The following ARHGAP15 variants were observed in gnomAD, a reference collection of about 807,000 sequenced individuals.
ARHGAP15 encodes Rho GTPase activating protein 15, also known as rho GTPase-activating protein 15.
Under a neutral mutation model 63.7 loss-of-function variants are expected in ARHGAP15, and 51 were observed. The observed-to-expected ratio is 0.80, with a 90% CI of 0.64 to 1.01. The LOEUF is 1.01. ARHGAP15 is among the 50% of genes least tolerant of loss of function. The pLI is 0.00. For synonymous variants in ARHGAP15, 191 were observed against 193.8 expected, an observed-to-expected ratio of 0.99 and a Z score of 0.12; for missense variants, 560 against 564.6, an observed-to-expected ratio of 0.99 and a Z score of 0.08.
At chr2:143,466,375 G>A (rs1203055929) in intron 8 of ARHGAP15, among the ~76,000 whole-genome samples, 1 of 151,360 alleles carries the variant, frequency 6.6e-6, no homozygotes, top group Non-Finnish European at 1.5e-5. Flanking sequence ...AAGACTCATG[G>A]AAAAGACAGC....
intron 6 of ARHGAP15, among the ~76,000 whole-genome samples, chr2:143,345,514 T>C (rs1348078151): frequency 6.6e-6 from 1 of 152,106 alleles, no homozygotes; most frequent in Non-Finnish European, 1.5e-5. Flanking sequence ...CACATTAAAA[T>C]GTCATGCTGA....
intron 6 of ARHGAP15, among the ~76,000 whole-genome samples, chr2:143,373,879 G>A (rs1159538887): frequency 1.3e-5 from 2 of 151,992 alleles, no homozygotes; most frequent in Admixed American, 1.3e-4. Context: ...CCTAATGAAA[G>A]AATAAAACAT....
intron 10 of ARHGAP15, among the ~76,000 whole-genome samples, chr2:143,537,927 T>C (rs1694855836): frequency 6.6e-6 from 1 of 151,946 alleles, no homozygotes; most frequent in African/African-American, 2.4e-5. Flanking sequence ...AAGTCATTGG[T>C]AGCTTGATGG....
intron 6 of ARHGAP15, among the ~76,000 whole-genome samples, chr2:143,339,341 A>G (rs1375908762): frequency 1.3e-5 from 2 of 152,138 alleles, no homozygotes; most frequent in Non-Finnish European, 2.9e-5. Flanking sequence ...AAGACTAGGT[A>G]ACACACTGAG....
intron 2 of ARHGAP15, among the ~76,000 whole-genome samples, chr2:143,185,620 T>C (rs1311944561): frequency 1.3e-5 from 2 of 152,202 alleles, no homozygotes; most frequent in African/African-American, 4.8e-5. Flanking sequence ...TCATTCCCGA[T>C]AGATCCTTGT....
At chr2:143,538,957 A>G (rs954308420) in intron 10 of ARHGAP15, among the ~76,000 whole-genome samples, 1 of 152,182 alleles carries the variant, frequency 6.6e-6, no homozygotes, top group African/African-American at 2.4e-5. Context: ...AAGGAATGGT[A>G]CCAGTTCCTC....
intron 6 of ARHGAP15, among the ~76,000 whole-genome samples, chr2:143,308,935 C>CA (rs35757623): frequency 0.25 from 26,440 of 106,720 alleles, 3,480 homozygotes; most frequent in Non-Finnish European, 0.35. Context: ...TCCTGGCAGC[C>CA]AAAAAAAAAA....
intron 12 of ARHGAP15, among the ~76,000 whole-genome samples, chr2:143,631,586 T>C (rs1348915728): frequency 6.6e-6 from 1 of 152,136 alleles, no homozygotes; most frequent in Non-Finnish European, 1.5e-5. Context: ...AAGCATCTTT[T>C]CATGTGCTTA....
At chr2:143,219,531 T>C (rs1039696166) in intron 4 of ARHGAP15, among the ~76,000 whole-genome samples, 3 of 152,232 alleles carry the variant, frequency 2.0e-5, no homozygotes, top group South Asian at 2.1e-4. Context: ...ATCGCACATA[T>C]ATGTTTCCTT....
Position 143,317,922 on chromosome 2 carries a change from G to T in ARHGAP15, c.474+67322G>T, listed in dbSNP as rs956547732. Among the ~76,000 whole-genome samples, 8 of 151,324 alleles carry T rather than the reference G, an allele frequency of 5.3e-5. No individual in the cohort carries two copies. In the South Asian group the frequency reaches 1.5e-3, roughly 28 times the overall value. On this transcript the variant is annotated intron_variant, in intron 6 of 13. Transcript: ENST00000295095. ...CAGAAAAGCAGATAGCATATTACTT[G>T]CATAGGGTTTTTGTTTTGTTTTGTT... is the stretch of plus-strand genomic sequence containing the variant.
At chr2:143,671,251 GT>G (rs925473578) in intron 12 of ARHGAP15, among the ~76,000 whole-genome samples, 47 of 148,986 alleles carry the variant, frequency 3.2e-4, no homozygotes, top group East Asian at 2.6e-3. Context: ...TTTTTAATTA[GT>G]TTTTTTTTTA....
intron 12 of ARHGAP15, chr2:143,682,856 T>A (rs1026613292): frequency 6.6e-6 from 1 of 152,102 alleles, no homozygotes; most frequent in South Asian, 2.1e-4. Context: ...TTCGCAGGAG[T>A]TCTCTGTTAT....
At chr2:143,750,588 AT>A (rs2105525349) in intron 13 of ARHGAP15, among the ~76,000 whole-genome samples, 1 of 152,344 alleles carries the variant, frequency 6.6e-6, no homozygotes, top group East Asian at 1.9e-4. Context: ...GGTAGGGCCC[AT>A]CTAAGATCAC....
At chr2:143,503,954 A>T (rs970140833) in intron 9 of ARHGAP15, among the ~76,000 whole-genome samples, 3 of 152,220 alleles carry the variant, frequency 2.0e-5, no homozygotes, top group African/African-American at 7.2e-5. Context: ...CAGATGTCAA[A>T]TGCTCTAAGG....
intron 11 of ARHGAP15, among the ~76,000 whole-genome samples, chr2:143,617,577 T>A (rs1218544190): frequency 6.6e-6 from 1 of 152,132 alleles, no homozygotes; most frequent in East Asian, 1.9e-4. Flanking sequence ...ATGACCTCAT[T>A]TTACCATAAT....
intron 11 of ARHGAP15, among the ~76,000 whole-genome samples, chr2:143,591,935 T>C (rs1697338009): frequency 2.0e-5 from 1 of 50,858 alleles, no homozygotes; most frequent in African/African-American, 6.9e-5. Context: ...AAGATTTTTA[T>C]AACTCTATTT....
At chr2:143,503,671 A>AT (rs935953373) in intron 9 of ARHGAP15, among the ~76,000 whole-genome samples, 5 of 152,154 alleles carry the variant, frequency 3.3e-5, no homozygotes, top group Admixed American at 2.0e-4. Context: ...ATATGATGAG[A>AT]TTTTTTGTGA....
At chr2:143,502,363 C>A (rs750715180) in intron 9 of ARHGAP15, among the ~76,000 whole-genome samples, 1 of 151,722 alleles carries the variant, frequency 6.6e-6, no homozygotes. Context: ...GAGCCAAGAT[C>A]GCACCATTGC....
chr2:143,669,564 G>T (rs1051246246), intron 12 of ARHGAP15, among the ~76,000 whole-genome samples: 2 of 152,188 alleles, frequency 1.3e-5, no homozygotes, highest in Non-Finnish European at 2.9e-5. Flanking sequence ...AACAGCCATG[G>T]TTTGTTGAAC....
Sources: allele counts gnomAD v4.1 joint callset (sites outside exome capture counted in the v4.1 genomes callset), GRCh38; gene constraint gnomAD v4.1.1; transcripts MANE v1.5; gene names NCBI Gene and HGNC (gene_info 2026-07-23, HGNC 2026-07-21).